Variants in OR2C1 observed in about 807,000 individuals in gnomAD.
The protein encoded by OR2C1 is olfactory receptor 2C1.
For synonymous variants in OR2C1, 209 were observed against 167.3 expected, an observed-to-expected ratio of 1.25 and a Z score of -1.92; for missense variants, 468 against 388.3, an observed-to-expected ratio of 1.21 and a Z score of -1.73.
At chr16:3,349,261 G>A in the OR2C1 span, among the ~76,000 whole-genome samples, 1 of 152,188 alleles carries the variant, frequency 6.6e-6, no homozygotes, top group Non-Finnish European at 1.5e-5. Flanking sequence ...TGTGTTTGGG[G>A]AGGGAGTTCA....
At chr16:3,330,867 G>A in the OR2C1 span, among the ~76,000 whole-genome samples, 1 of 152,008 alleles carries the variant, frequency 6.6e-6, no homozygotes, top group Non-Finnish European at 1.5e-5. Flanking sequence ...TCAACCTCCT[G>A]AGTGGCTAGG....
chr16:3,326,305 T>C, the OR2C1 span, among the ~76,000 whole-genome samples: 11 of 151,916 alleles, frequency 7.2e-5, no homozygotes, highest in African/African-American at 2.7e-4. Context: ...CAAAATGATG[T>C]CTTTCTTTCG....
rs767620318 is a variant in OR2C1 at position 3,356,597 on chromosome 16, C to T, written c.657C>T (p.Cys219=). The change falls in exon 1 of 1, where the codon TGC becomes TGT. Residue 219 remains cysteine (C), a synonymous_variant. Transcript: ENST00000304936. ...TAAGCATCATCGTGATCTCCTACTG[C>T]CTCATTGCTCAGGCAGTGCTGAAAA... The part of the protein sequence containing the change: ...VPLSIIVISY[C]LIAQAVLKIR... 18 of 1,614,086 alleles carry T rather than the reference C, an allele frequency of 1.1e-5. No individual in the cohort carries two copies. Among genetic ancestry groups the T allele is most frequent in the Admixed American group, 1.7e-5 (1 of 60,010 alleles).
chr16:3,324,841 G>C, the OR2C1 span, among the ~76,000 whole-genome samples: 2 of 152,082 alleles, frequency 1.3e-5, no homozygotes, highest in African/African-American at 4.8e-5. Flanking sequence ...TATATTGCAG[G>C]TTTGGTTCCA....
the OR2C1 span, among the ~76,000 whole-genome samples, chr16:3,342,801 C>T: frequency 2.6e-5 from 4 of 152,090 alleles, no homozygotes; most frequent in South Asian, 2.1e-4. Flanking sequence ...CACTTGAACC[C>T]GGGAGGTACA....
At chr16:3,336,769 C>T in the OR2C1 span, among the ~76,000 whole-genome samples, 2 of 126,940 alleles carry the variant, frequency 1.6e-5, no homozygotes, top group Non-Finnish European at 3.1e-5. Context: ...AGTGCAGTGG[C>T]ATGATCTCTG....
chr16:3,354,749 C>T (rs77922294), upstream of OR2C1, among the ~76,000 whole-genome samples: 1 of 152,092 alleles, frequency 6.6e-6, no homozygotes, highest in Non-Finnish European at 1.5e-5. Context: ...CTGAGCGTAT[C>T]AGAATCTTGG....
At chr16:3,331,629 A>G in the OR2C1 span, among the ~76,000 whole-genome samples, 6 of 151,936 alleles carry the variant, frequency 3.9e-5, no homozygotes, top group Non-Finnish European at 8.8e-5. Flanking sequence ...TCCCAGCACC[A>G]TTTATTAAAT....
At chr16:3,351,904 T>C (rs548034381), upstream of OR2C1, among the ~76,000 whole-genome samples, 7,959 of 148,958 alleles carry the variant, frequency 0.053, 734 homozygotes, top group African/African-American at 0.18. Flanking sequence ...TTTTTTTTTT[T>C]TCGTATTTTG....
the OR2C1 span, among the ~76,000 whole-genome samples, chr16:3,344,160 T>C: frequency 2.0e-5 from 3 of 148,866 alleles, no homozygotes; most frequent in Non-Finnish European, 4.5e-5. Context: ...GGTGGAGGTT[T>C]CAGTGAGCCG....
the OR2C1 span, among the ~76,000 whole-genome samples, chr16:3,325,962 A>G: frequency 1.2e-3 from 166 of 136,250 alleles, no homozygotes; most frequent in Admixed American, 1.9e-3. Context: ...GCAAAGTCTC[A>G]CTCTGTTGCC....
At chr16:3,339,935 G>A in the OR2C1 span, among the ~76,000 whole-genome samples, 4 of 151,916 alleles carry the variant, frequency 2.6e-5, no homozygotes, top group Non-Finnish European at 4.4e-5. Flanking sequence ...GTACTTTTGG[G>A]CCATGTCTCT....
At chr16:3,355,453 G>A (rs1253836678), upstream of OR2C1, among the ~76,000 whole-genome samples, 24 of 5,274 alleles carry the variant, frequency 4.6e-3, no homozygotes, top group African/African-American at 9.4e-3. Flanking sequence ...GCGAGACTCT[G>A]TCTCAAAAAA....
the OR2C1 span, among the ~76,000 whole-genome samples, chr16:3,325,094 G>C: frequency 6.6e-6 from 1 of 152,068 alleles, no homozygotes; most frequent in African/African-American, 2.4e-5. Flanking sequence ...TGGTTCTTTT[G>C]TCTCAGCCTC....
chr16:3,331,789 C>T, the OR2C1 span, among the ~76,000 whole-genome samples: 70,040 of 148,630 alleles, frequency 0.47, 17,251 homozygotes, highest in East Asian at 0.61. Flanking sequence ...ATGTTTATTG[C>T]GGCATTATTC....
chr16:3,340,808 T>C, the OR2C1 span, among the ~76,000 whole-genome samples: 1 of 152,188 alleles, frequency 6.6e-6, no homozygotes. Context: ...ATTCCAGTAG[T>C]TTATGTATCT....
chr16:3,357,589 G>C (rs2030702916), downstream of OR2C1, among the ~76,000 whole-genome samples: 1 of 152,144 alleles, frequency 6.6e-6, no homozygotes, highest in Non-Finnish European at 1.5e-5. Context: ...GCCCAGGCTG[G>C]TCTAGAATTC....
At chr16:3,351,220 C>CTTTTCTT (rs2030568599), upstream of OR2C1, among the ~76,000 whole-genome samples, 1 of 18,654 alleles carries the variant, frequency 5.4e-5, no homozygotes, top group Non-Finnish European at 1.0e-4. Context: ...TTTTCTTTTT[C>CTTTTCTT]TTTTTCTTTT....
At chr16:3,332,414 T>C in the OR2C1 span, among the ~76,000 whole-genome samples, 2 of 152,102 alleles carry the variant, frequency 1.3e-5, no homozygotes, top group African/African-American at 4.8e-5. Flanking sequence ...TAGATTATTG[T>C]TGACTATAGT....
Sources: gnomAD v4.1 joint callset for allele counts (sites outside exome capture counted in the v4.1 genomes callset) on GRCh38, gnomAD v4.1.1 for gene constraint, MANE v1.5 for transcripts, NCBI Gene and HGNC (gene_info 2026-07-23, HGNC 2026-07-21) for gene names.